FNIP1: variants seen among roughly 807,000 people sequenced by gnomAD.
The protein encoded by FNIP1 is folliculin interacting protein 1.
A neutral mutation model predicts 124.5 loss-of-function variants in FNIP1; 40 were observed. The ratio of observed to expected loss-of-function variants is 0.32; its 90% CI spans 0.25 to 0.42. FNIP1 has a LOEUF of 0.42. Ranked by LOEUF, FNIP1 falls within the 10% of genes least tolerant of loss-of-function variation. The pLI is 1.00. For missense variants in FNIP1, 1,176 were observed against 1,403.7 expected, an observed-to-expected ratio of 0.84 and a Z score of 2.59; for synonymous variants, 472 against 470.6, an observed-to-expected ratio of 1.00 and a Z score of -0.04.
intron 16 of FNIP1, among the ~76,000 whole-genome samples, chr5:131,648,419 G>GA (rs1371340967): frequency 6.6e-6 from 1 of 151,862 alleles, no homozygotes; most frequent in Non-Finnish European, 1.5e-5. Context: ...CATGTTTGAG[G>GA]AAAAAACAGA....
chr5:131,725,530 T>C (rs989383279), intron 3 of FNIP1, among the ~76,000 whole-genome samples: 2 of 152,222 alleles, frequency 1.3e-5, no homozygotes, highest in Non-Finnish European at 2.9e-5. Context: ...TGCTTGTGAT[T>C]TTTGCACATT....
intron 7 of FNIP1, among the ~76,000 whole-genome samples, chr5:131,709,902 A>G (rs577571334): frequency 4.6e-5 from 7 of 152,306 alleles, no homozygotes; most frequent in South Asian, 4.1e-4. Context: ...CAATCTGAGA[A>G]CAATGAAGAG....
chr5:131,777,777 G>A (rs1324644496), intron 1 of FNIP1, among the ~76,000 whole-genome samples: 1 of 151,926 alleles, frequency 6.6e-6, no homozygotes, highest in Non-Finnish European at 1.5e-5. Flanking sequence ...TCAAAGTGTG[G>A]TCCCTACACT....
At chr5:131,775,683 A>T (rs1379104243) in intron 1 of FNIP1, among the ~76,000 whole-genome samples, 1 of 151,724 alleles carries the variant, frequency 6.6e-6, no homozygotes, top group Non-Finnish European at 1.5e-5. Flanking sequence ...GTCCGCCACC[A>T]CGTCCGGCTA....
At chr5:131,702,006 A>G (rs748873898) in intron 10 of FNIP1, among the ~76,000 whole-genome samples, 5 of 152,154 alleles carry the variant, frequency 3.3e-5, no homozygotes, top group Non-Finnish European at 7.4e-5. Context: ...ACTTCTGGGA[A>G]TCTCCTCTAA....
At chr5:131,692,902 G>A (rs1768528440) in intron 11 of FNIP1, among the ~76,000 whole-genome samples, 1 of 151,818 alleles carries the variant, frequency 6.6e-6, no homozygotes, top group Non-Finnish European at 1.5e-5. Flanking sequence ...CAGCAACTTG[G>A]GAAGATGGGG....
At chr5:131,750,482 G>A (rs1213241859) in intron 1 of FNIP1, among the ~76,000 whole-genome samples, 1 of 152,062 alleles carries the variant, frequency 6.6e-6, no homozygotes, top group Non-Finnish European at 1.5e-5. Context: ...GAACCTCTCT[G>A]GAAGAAAGAT....
chr5:131,775,230 C>T (rs540422619), intron 1 of FNIP1, among the ~76,000 whole-genome samples: 3 of 152,026 alleles, frequency 2.0e-5, no homozygotes, highest in Admixed American at 6.5e-5. Context: ...TACGTAATAC[C>T]AACTGGTACT....
At chr5:131,718,029 A>C (rs1430842107) in intron 5 of FNIP1, among the ~76,000 whole-genome samples, 1 of 24,618 alleles carries the variant, frequency 4.1e-5, no homozygotes, top group Non-Finnish European at 3.1e-4. Context: ...TAAAAATACA[A>C]AAAAAAAAAA....
chr5:131,794,281 A>C (rs1772505270), intron 1 of FNIP1, among the ~76,000 whole-genome samples: 1 of 151,430 alleles, frequency 6.6e-6, no homozygotes, highest in Non-Finnish European at 1.5e-5. Flanking sequence ...TTTTACAATA[A>C]AAATTTTTAA....
intron 1 of FNIP1, among the ~76,000 whole-genome samples, chr5:131,791,334 C>A (rs149640863): frequency 4.9e-4 from 75 of 152,070 alleles, no homozygotes; most frequent in African/African-American, 1.8e-3. Flanking sequence ...AGTTAAAGGG[C>A]AAATTATGTA....
chr5:131,740,768 T>G (rs1770485782), intron 2 of FNIP1, among the ~76,000 whole-genome samples: 1 of 152,128 alleles, frequency 6.6e-6, no homozygotes, highest in African/African-American at 2.4e-5. Context: ...GTTAAAGCAT[T>G]CTAAGTCACA....
At chr5:131,712,092 C>G (rs1261410018) in intron 6 of FNIP1, among the ~76,000 whole-genome samples, 1 of 152,092 alleles carries the variant, frequency 6.6e-6, no homozygotes, top group Non-Finnish European at 1.5e-5. Flanking sequence ...TCAAAACTTA[C>G]TCTCTCATCC....
At chr5:131,720,817 A>C (rs578071941) in intron 3 of FNIP1, among the ~76,000 whole-genome samples, 4 of 152,328 alleles carry the variant, frequency 2.6e-5, no homozygotes, top group African/African-American at 9.6e-5. Flanking sequence ...GGCTATAATC[A>C]AAAAAGCAAA....
intron 15 of FNIP1, among the ~76,000 whole-genome samples, chr5:131,655,378 A>T (rs1767162127): frequency 1.3e-5 from 2 of 152,182 alleles, no homozygotes; most frequent in East Asian, 3.8e-4. Context: ...TAGGTAGTAT[A>T]TTTTATCATT....
At chr5:131,714,258 A>T (rs1769392918) in intron 6 of FNIP1, among the ~76,000 whole-genome samples, 1 of 152,152 alleles carries the variant, frequency 6.6e-6, no homozygotes, top group Non-Finnish European at 1.5e-5. Context: ...GGGCTGAGAC[A>T]CTTCCAGTCA....
chr5:131,687,106 T>A (rs1432114962), intron 11 of FNIP1, among the ~76,000 whole-genome samples: 1 of 146,676 alleles, frequency 6.8e-6, no homozygotes. Context: ...TTGTTTGGCT[T>A]TTTTTTTTTT....
intron 1 of FNIP1, among the ~76,000 whole-genome samples, chr5:131,772,876 A>C (rs1260373764): frequency 6.6e-6 from 1 of 152,156 alleles, no homozygotes; most frequent in South Asian, 2.1e-4. Context: ...TCATGACATC[A>C]ACTGAGATAA....
At chr5:131,763,718 T>A (rs868347543) in intron 1 of FNIP1, among the ~76,000 whole-genome samples, 4 of 152,146 alleles carry the variant, frequency 2.6e-5, no homozygotes, top group African/African-American at 9.7e-5. Flanking sequence ...CCAAACCATA[T>A]CAATATTTAC....
Sources: allele counts gnomAD v4.1 joint callset (sites outside exome capture counted in the v4.1 genomes callset), GRCh38; gene constraint gnomAD v4.1.1; transcripts MANE v1.5; gene names NCBI Gene and HGNC (gene_info 2026-07-23, HGNC 2026-07-21).